The following UBE4B variants were observed in gnomAD, a reference collection of about 807,000 sequenced individuals.
UBE4B encodes ubiquitination factor E4B, also known as ubiquitin conjugation factor E4 B.
Under a neutral mutation model 148.1 loss-of-function variants are expected in UBE4B, and 27 were observed. That is an observed-to-expected ratio of 0.18 (90% CI 0.13 to 0.25). UBE4B has a LOEUF of 0.25. Ranked by LOEUF, UBE4B falls within the 10% of genes least tolerant of loss-of-function variation. UBE4B has a pLI of 1.00. For synonymous variants in UBE4B, 596 were observed against 619.3 expected (o/e 0.96, Z 0.56); for missense variants, 1,170 against 1,662.4 (o/e 0.70, Z 5.15).
Position 10,106,601 on chromosome 1 carries a change from G to A in UBE4B, c.1196+18G>A. 1 of 1,517,386 alleles carries A rather than the reference G, an allele frequency of 6.6e-7. No homozygotes were observed. The highest frequency in any genetic ancestry group is 8.8e-7 in the Non-Finnish European group (1 of 1,140,834). 94.0% of individuals were successfully genotyped at this position (1,517,386 alleles called of 1,614,324 possible). The stretch of plus-strand genomic sequence containing the variant: ...TCTCCTAGGTATTTATCCCACAGGA[G>A]AGTTGCATGTGTGTTTGCGGTGCAG... On this transcript the variant is annotated intron_variant, in intron 7 of 27. Coordinates refer to ENST00000343090, the MANE Select transcript of UBE4B (RefSeq NM_001105562.3). This position sits in a 1 kb window ranked among gnomAD's most constrained non-coding sequence, Gnocchi z 4.2.
chr1:10,085,611 A>G (rs1271291092), intron 2 of UBE4B, among the ~76,000 whole-genome samples: 1 of 152,206 alleles, frequency 6.6e-6, no homozygotes, highest in Admixed American at 6.5e-5. Context: ...AAAAAACAAC[A>G]ACACATCTTT....
chr1:10,147,176 C>T, intron 19 of UBE4B, 86 bp downstream of exon 19: 1 of 1,578,268 alleles, frequency 6.3e-7, no homozygotes, highest in Admixed American at 1.7e-5. Context: ...TAACTAAAAC[C>T]AAAACCCTTT....
chr1:10,158,218 A>C (rs541427351), intron 21 of UBE4B, 138 bp from the exon 22 acceptor site: 6 of 1,060,088 alleles, frequency 5.7e-6, no homozygotes, highest in African/African-American at 1.6e-5. Flanking sequence ...CGTGCCCTAC[A>C]TGCAAAAGAA....
Position 10,106,588 on chromosome 1 carries a change from T to C in UBE4B, c.1196+5T>C. ...CTCCCTGAGGATCTCTCCTAGGTAT[T>C]TATCCCACAGGAGAGTTGCATGTGT... On this transcript the variant is annotated splice_donor_5th_base_variant and intron_variant, in intron 7 of 27. Coordinates refer to ENST00000343090, the MANE Select transcript of UBE4B (RefSeq NM_001105562.3). This position sits in a 1 kb window ranked among gnomAD's most constrained non-coding sequence, Gnocchi z 4.2. The C allele has an allele frequency of 6.5e-7, 1 of 1,538,130 alleles. No individual in the cohort carries two copies. The highest frequency in any genetic ancestry group is 8.7e-7 in the Non-Finnish European group (1 of 1,150,958).
At position 10,106,372 on chromosome 1, in the gene UBE4B, C is replaced by T. The variant is rs975839657; in HGVS notation, c.985C>T (p.Arg329Trp). The change falls in exon 7 of 28, where the codon CGG (arginine) becomes TGG (tryptophan). Residue 329 changes from arginine (R) to tryptophan (W), a missense_variant. Coordinates refer to ENST00000343090, the MANE Select transcript of UBE4B (RefSeq NM_001105562.3). This position sits in a 1 kb window ranked among gnomAD's most constrained non-coding sequence, Gnocchi z 4.2. The stretch of plus-strand genomic sequence containing the variant: ...TGCGGGAAGCCAGCCTTCATCCCCG[C>T]GGTATCGCCCCTACACTGTCACTCA... ...TAAGSQPSSP[R>W]YRPYTVTHPW... 17 of 1,613,596 alleles carry T rather than the reference C, an allele frequency of 1.1e-5. No individual in the cohort carries two copies. The highest frequency in any genetic ancestry group is 3.3e-5 in the Admixed American group (2 of 59,994).
At position 10,094,203 on chromosome 1, in the gene UBE4B, G is replaced by C. The variant is rs72861436; in HGVS notation, c.212-1258G>C. On this transcript the variant is annotated intron_variant, in intron 2 of 27. Transcript: ENST00000343090. The stretch of plus-strand genomic sequence containing the variant: ...TGAGAAATCATCTGTCCCTGTACTA[G>C]TGACTACAGTTTCACTGTACTGTCA... 8.8e-3 allele frequency among the ~76,000 whole-genome samples: 1,332 copies of C among 152,210 alleles called. 30 individuals carry two copies. The highest frequency in any genetic ancestry group is 0.031 in the African/African-American group (1,285 of 41,502).
chr1:10,055,338 A>G (rs1323124320), intron 1 of UBE4B, among the ~76,000 whole-genome samples: 1 of 147,836 alleles, frequency 6.8e-6, no homozygotes, highest in East Asian at 2.0e-4. Flanking sequence ...TTATTCTGAG[A>G]CAAGATCTCA....
intron 21 of UBE4B, among the ~76,000 whole-genome samples, chr1:10,156,037 A>G (rs1646064509): frequency 6.6e-6 from 1 of 151,732 alleles, no homozygotes; most frequent in African/African-American, 2.4e-5. Flanking sequence ...CTCAAAAAAA[A>G]AAAAAAAGAA....
intron 3 of UBE4B, among the ~76,000 whole-genome samples, chr1:10,099,185 T>G (rs1473693427): frequency 6.6e-6 from 1 of 152,092 alleles, no homozygotes; most frequent in Admixed American, 6.6e-5. Context: ...GGGGTTGCAG[T>G]GAGCCAAGAT....
At chr1:10,137,703 C>T (rs1196052179) in intron 17 of UBE4B, among the ~76,000 whole-genome samples, 1 of 152,076 alleles carries the variant, frequency 6.6e-6, no homozygotes, top group African/African-American at 2.4e-5. Context: ...TCATTAGCAC[C>T]ATGGTTGTGT....
At chr1:10,147,143 T>C in intron 19 of UBE4B, 53 bp downstream of exon 19, 8 of 1,609,326 alleles carry the variant, frequency 5.0e-6, no homozygotes, top group Non-Finnish European at 6.8e-6. Flanking sequence ...GGCTCTGTTG[T>C]CTTTATTGTC....
At chr1:10,141,734 A>G (rs1645785946) in intron 17 of UBE4B, among the ~76,000 whole-genome samples, 1 of 152,162 alleles carries the variant, frequency 6.6e-6, no homozygotes, top group Non-Finnish European at 1.5e-5. Context: ...AGGGGAAAAT[A>G]GCATTACCCT....
chr1:10,042,949 A>C (rs1490049021), intron 1 of UBE4B, among the ~76,000 whole-genome samples: 1 of 151,764 alleles, frequency 6.6e-6, no homozygotes, highest in Non-Finnish European at 1.5e-5. Context: ...GATGCCAAGC[A>C]TGGTTAGAGC....
chr1:10,071,516 A>G (rs1333917633), intron 1 of UBE4B, among the ~76,000 whole-genome samples: 1 of 152,184 alleles, frequency 6.6e-6, no homozygotes, highest in African/African-American at 2.4e-5. Context: ...TGAGCCCAGG[A>G]GTTCAAGGCT....
chr1:10,154,823 C>T (rs1427848418), intron 21 of UBE4B, among the ~76,000 whole-genome samples: 6 of 140,876 alleles, frequency 4.3e-5, no homozygotes, highest in African/African-American at 1.6e-4. Context: ...GCCTGGGCTA[C>T]AAGAGCAAAT....
intron 4 of UBE4B, 24 bp downstream of exon 4, chr1:10,101,219 G>A (rs750508423): frequency 1.2e-6 from 2 of 1,608,238 alleles, no homozygotes; most frequent in African/African-American, 1.3e-5. Context: ...GAAGCCCTTG[G>A]TACAGGTAAT....
intron 7 of UBE4B, among the ~76,000 whole-genome samples, chr1:10,114,529 C>T (rs1645274936): frequency 6.6e-6 from 1 of 152,082 alleles, no homozygotes; most frequent in African/African-American, 2.4e-5. Flanking sequence ...CAGATCCTGC[C>T]ATTAATTAAT....
At chr1:10,053,025 G>A (rs766882258) in intron 1 of UBE4B, among the ~76,000 whole-genome samples, 4 of 152,072 alleles carry the variant, frequency 2.6e-5, no homozygotes, top group East Asian at 1.9e-4. Context: ...CAGGGGTTCC[G>A]CCCTCAGGAC....
At chr1:10,056,132 T>C (rs763667438) in intron 1 of UBE4B, among the ~76,000 whole-genome samples, 2 of 152,206 alleles carry the variant, frequency 1.3e-5, no homozygotes, top group African/African-American at 2.4e-5. Flanking sequence ...GTTAAAATTA[T>C]TCTACACTCA....
Sources: allele counts gnomAD v4.1 joint callset (sites outside exome capture counted in the v4.1 genomes callset), GRCh38; gene constraint gnomAD v4.1.1; non-coding constraint Gnocchi (gnomAD v3.1); transcripts MANE v1.5; gene names NCBI Gene and HGNC (gene_info 2026-07-23, HGNC 2026-07-21).